CDH11: variants seen among roughly 807,000 people sequenced by gnomAD.
CDH11 encodes cadherin-11.
CDH11 carries 11 observed loss-of-function variants against 67.8 expected under a neutral mutation model. The observed-to-expected ratio is 0.16, with a 90% CI of 0.10 to 0.27. CDH11 has a LOEUF of 0.27. Among genes scored for constraint, CDH11 ranks in the 10% least tolerant of loss-of-function variants. The pLI is 1.00. For synonymous variants in CDH11, 419 were observed against 400.0 expected (o/e 1.05, Z -0.57); for missense variants, 847 against 1,031.2 (o/e 0.82, Z 2.45).
chr16:64,963,302 G>A (rs1264510150), intron 11 of CDH11, among the ~76,000 whole-genome samples: 4 of 152,126 alleles, frequency 2.6e-5, no homozygotes, highest in South Asian at 2.1e-4. Context: ...AACATCAACA[G>A]AAATAGAGAA....
At chr16:65,048,356 T>C (rs1238067257) in intron 2 of CDH11, among the ~76,000 whole-genome samples, 4 of 152,124 alleles carry the variant, frequency 2.6e-5, no homozygotes, top group Non-Finnish European at 4.4e-5. Flanking sequence ...GAACTGAAAA[T>C]AGGGCTACCT....
intron 8 of CDH11, among the ~76,000 whole-genome samples, chr16:64,974,191 C>G (rs1297819796): frequency 2.0e-5 from 3 of 151,242 alleles, no homozygotes; most frequent in Non-Finnish European, 4.4e-5. Flanking sequence ...CTGTTGAACT[C>G]CAAACCCCTT....
chr16:65,096,406 G>GGTGTGT (rs377132363), intron 1 of CDH11, among the ~76,000 whole-genome samples: 100 of 134,024 alleles, frequency 7.5e-4, no homozygotes, highest in Middle Eastern at 3.9e-3. Flanking sequence ...AATCTTTCGG[G>GGTGTGT]GTGTGTGTGT....
intron 1 of CDH11, chr16:65,118,696 A>T (rs2142899785): frequency 6.6e-6 from 1 of 152,324 alleles, no homozygotes; most frequent in African/African-American, 2.4e-5. Flanking sequence ...AGGAAAAAAA[A>T]ACTTGAAAGT....
intron 1 of CDH11, among the ~76,000 whole-genome samples, chr16:65,097,088 T>A (rs1567576362): frequency 6.6e-6 from 1 of 152,190 alleles, no homozygotes; most frequent in African/African-American, 2.4e-5. Context: ...TTACCTTTTA[T>A]CTGGTTGTTT....
chr16:64,962,116 T>G (rs2071689389), intron 11 of CDH11, among the ~76,000 whole-genome samples: 1 of 152,156 alleles, frequency 6.6e-6, no homozygotes, highest in Non-Finnish European at 1.5e-5. Context: ...CCATTAATTT[T>G]TATGTAGTTA....
intron 11 of CDH11, among the ~76,000 whole-genome samples, chr16:64,956,074 C>A (rs2071501301): frequency 6.6e-6 from 1 of 152,102 alleles, no homozygotes; most frequent in Non-Finnish European, 1.5e-5. Flanking sequence ...TTAAAATTTC[C>A]ATAGAGACTT....
At chr16:64,976,719 C>T (rs2072179592) in intron 8 of CDH11, among the ~76,000 whole-genome samples, 1 of 152,070 alleles carries the variant, frequency 6.6e-6, no homozygotes, top group Non-Finnish European at 1.5e-5. Flanking sequence ...ATTAGCTGGG[C>T]ATGGTGGCAC....
chr16:64,987,929 C>A, intron 7 of CDH11: 1 of 401,682 alleles, frequency 2.5e-6, no homozygotes, highest in Non-Finnish European at 4.4e-6. Flanking sequence ...TAAGAACTAA[C>A]TAGCAATCTC....
chr16:65,014,011 G>A (rs1395061379), intron 2 of CDH11, among the ~76,000 whole-genome samples: 2 of 152,140 alleles, frequency 1.3e-5, no homozygotes, highest in African/African-American at 4.8e-5. Context: ...ACAGAACATG[G>A]CCTGGTCCAC....
chr16:65,017,173 A>G (rs893680555), intron 2 of CDH11, among the ~76,000 whole-genome samples: 2 of 152,054 alleles, frequency 1.3e-5, no homozygotes, highest in African/African-American at 4.8e-5. Flanking sequence ...CTAACCTCCT[A>G]TCTCATCCTG....
chr16:65,121,223 G>C lies in CDH11; in HGVS notation c.-298+657C>G, dbSNP rs914304069. Among the ~76,000 whole-genome samples, 3 of 152,204 alleles carry C rather than the reference G, an allele frequency of 2.0e-5. No individual in the cohort carries two copies. The highest frequency in any genetic ancestry group is 7.2e-5 in the African/African-American group (3 of 41,458). Reference sequence around the variant, plus strand: ...CGCCAGAGCTCCCGCAGAGACTCGGGCTGGAGGGCTGTAGCGCACCGCAGC... The same window carrying C: ...CGCCAGAGCTCCCGCAGAGACTCGGCCTGGAGGGCTGTAGCGCACCGCAGC... On this transcript the variant is annotated intron_variant, in intron 1 of 12. Coordinates refer to ENST00000268603, the MANE Select transcript of CDH11 (RefSeq NM_001797.4). This position sits in a 1 kb window ranked among gnomAD's most constrained non-coding sequence, Gnocchi z 4.1.
At chr16:65,044,765 G>A (rs2142683952) in intron 2 of CDH11, among the ~76,000 whole-genome samples, 1 of 152,220 alleles carries the variant, frequency 6.6e-6, no homozygotes. Flanking sequence ...CTGGGAGTTG[G>A]GCCTGGATCA....
rs1339740425 is a variant in CDH11, at chr16:64,945,979, C to T, written c.*1624G>A. 9 of 1,058,096 alleles carry T rather than the reference C, an allele frequency of 8.5e-6. 1 individual carries two copies. In the South Asian group the frequency reaches 2.7e-4, roughly 32 times the overall value. 65.5% of individuals were successfully genotyped at this position (1,058,096 alleles called of 1,614,324 possible). On this transcript the variant is annotated 3_prime_UTR_variant, in exon 13 of 13. Coordinates refer to ENST00000268603, the MANE Select transcript of CDH11 (RefSeq NM_001797.4). The stretch of plus-strand genomic sequence containing the variant: ...TATTGCTACGTTTTGACCTTTGGCC[C>T]AACTGAACAGGTGAAATGCCCTTCA...
chr16:65,122,148 G>GGGGGGGGGGGC, upstream of CDH11: 1 of 323,844 alleles, frequency 3.1e-6, no homozygotes, highest in East Asian at 1.1e-4. Flanking sequence ...GGGGGGGCGG[G>GGGGGGGGGGGC]AGGAGGGAGG....
intron 11 of CDH11, among the ~76,000 whole-genome samples, chr16:64,964,855 C>CT (rs1187976748): frequency 6.6e-6 from 1 of 151,884 alleles, no homozygotes; most frequent in Non-Finnish European, 1.5e-5. Flanking sequence ...GCCCTGTAGA[C>CT]TTTATAAACA....
At chr16:64,979,451 G>A (rs754511813) in intron 8 of CDH11, among the ~76,000 whole-genome samples, 10 of 151,432 alleles carry the variant, frequency 6.6e-5, no homozygotes, top group Non-Finnish European at 1.2e-4. Context: ...TGTCTCAGTA[G>A]CAAATAAATA....
At chr16:65,039,410 A>G (rs1204992916) in intron 2 of CDH11, among the ~76,000 whole-genome samples, 2 of 152,196 alleles carry the variant, frequency 1.3e-5, no homozygotes, top group Non-Finnish European at 2.9e-5. Flanking sequence ...AATGCTGCAT[A>G]TCTACAACTA....
At chr16:65,117,941 G>A (rs1302862198) in intron 1 of CDH11, among the ~76,000 whole-genome samples, 2 of 152,134 alleles carry the variant, frequency 1.3e-5, no homozygotes, top group East Asian at 3.9e-4. Context: ...CAACTTTCTA[G>A]TAAACTCCAA....
Sources: allele counts gnomAD v4.1 joint callset (sites outside exome capture counted in the v4.1 genomes callset), GRCh38; gene constraint gnomAD v4.1.1; non-coding constraint Gnocchi (gnomAD v3.1); transcripts MANE v1.5; gene names NCBI Gene and HGNC (gene_info 2026-07-23, HGNC 2026-07-21).